ST7: variants seen among roughly 807,000 people sequenced by gnomAD.
ST7 encodes suppression of tumorigenicity 7, also known as suppressor of tumorigenicity 7 protein.
In ST7, 28 loss-of-function variants were observed where a neutral mutation model predicts 78.7. The ratio of observed to expected loss-of-function variants is 0.36; its 90% CI spans 0.26 to 0.49. The LOEUF is 0.49. ST7 is among the 20% of genes least tolerant of loss of function. The pLI is 0.99. For synonymous variants in ST7, 247 were observed against 249.6 expected, an observed-to-expected ratio of 0.99 and a Z score of 0.10; for missense variants, 418 against 696.0, an observed-to-expected ratio of 0.60 and a Z score of 4.49.
At chr7:117,122,012 T>G (rs1803416685) in intron 3 of ST7, among the ~76,000 whole-genome samples, 1 of 152,018 alleles carries the variant, frequency 6.6e-6, no homozygotes, top group Admixed American at 6.6e-5. Flanking sequence ...ATTTTGTAAG[T>G]GTTGCTAAAG....
chr7:117,062,387 T>C (rs1461279424), intron 1 of ST7, among the ~76,000 whole-genome samples: 1 of 152,220 alleles, frequency 6.6e-6, no homozygotes. Flanking sequence ...AGCAGGGAGC[T>C]CATTCTAATT....
At chr7:117,138,407 T>G in intron 8 of ST7, 28 bp from the exon 9 acceptor site, 1 of 1,457,348 alleles carries the variant, frequency 6.9e-7, no homozygotes, top group South Asian at 1.3e-5. Flanking sequence ...TTTTTTTAAA[T>G]GTTGGTGTTT....
intron 1 of ST7, among the ~76,000 whole-genome samples, chr7:117,026,667 G>T (rs1796196971): frequency 6.6e-6 from 1 of 152,200 alleles, no homozygotes. Flanking sequence ...GCTCTACCGT[G>T]TACTACCAGG....
intron 1 of ST7, among the ~76,000 whole-genome samples, chr7:117,082,702 C>T (rs1799875532): frequency 1.3e-5 from 2 of 152,200 alleles, no homozygotes; most frequent in South Asian, 4.1e-4. Flanking sequence ...CAGGGGTCAG[C>T]AAACCCTTTT....
chr7:117,066,898 T>C (rs1380472628), intron 1 of ST7, among the ~76,000 whole-genome samples: 1 of 152,128 alleles, frequency 6.6e-6, no homozygotes, highest in East Asian at 1.9e-4. Context: ...CATTAGCAGT[T>C]ACTTTCCACT....
intron 2 of ST7, among the ~76,000 whole-genome samples, chr7:117,118,881 T>C (rs377715332): frequency 1.3e-5 from 2 of 152,234 alleles, no homozygotes; most frequent in East Asian, 3.8e-4. Flanking sequence ...TTTTCCCTTT[T>C]GTAATTCACA....
intron 1 of ST7, among the ~76,000 whole-genome samples, chr7:117,097,711 A>G (rs1401922277): frequency 1.3e-5 from 2 of 150,480 alleles, no homozygotes; most frequent in Non-Finnish European, 3.0e-5. Context: ...CCTCTGAATC[A>G]TATTGGCAGT....
chr7:117,100,423 G>A (rs529778146), intron 2 of ST7, among the ~76,000 whole-genome samples: 1 of 152,236 alleles, frequency 6.6e-6, no homozygotes, highest in South Asian at 2.1e-4. Flanking sequence ...TGCAGTAGCC[G>A]AGATCGCGCC....
At chr7:117,195,087 AC>A (rs1389114860) in intron 12 of ST7, among the ~76,000 whole-genome samples, 1 of 152,234 alleles carries the variant, frequency 6.6e-6, no homozygotes, top group African/African-American at 2.4e-5. Flanking sequence ...ATTATAAAAA[AC>A]AATCTACTCA....
intron 2 of ST7, among the ~76,000 whole-genome samples, chr7:117,103,681 A>G (rs1191134718): frequency 6.6e-6 from 1 of 152,222 alleles, no homozygotes; most frequent in African/African-American, 2.4e-5. Context: ...CCAGAACATT[A>G]GTCTGGGTAA....
chr7:117,027,920 G>T (rs1454850792), intron 1 of ST7, among the ~76,000 whole-genome samples: 1 of 152,134 alleles, frequency 6.6e-6, no homozygotes, highest in Non-Finnish European at 1.5e-5. Context: ...ATCTGCTGTG[G>T]AGTAAGGTAA....
chr7:117,208,900 TGG>T (rs1469878687), intron 12 of ST7, among the ~76,000 whole-genome samples: 72 of 99,408 alleles, frequency 7.2e-4, no homozygotes, highest in African/African-American at 2.5e-3. Flanking sequence ...GGTGTATGTG[TGG>T]GTGTGTGTGT....
At position 117,035,560 on chromosome 7, in the gene ST7, T is replaced by G. The variant is rs973761476; in HGVS notation, c.152-64202T>G. 3.9e-5 allele frequency among the ~76,000 whole-genome samples: 6 copies of G among 152,336 alleles called. No individual in the cohort carries two copies. In the East Asian group the frequency reaches 7.7e-4, roughly 20 times the overall value. The stretch of plus-strand genomic sequence containing the variant: ...AGTAGAAATTTTAACTGAGTCAATT[T>G]CATAGCTGTCAGAACCTTTCTCATC... On this transcript the variant is annotated intron_variant, in intron 1 of 15. Coordinates refer to ENST00000323984, the MANE Select transcript of ST7 (RefSeq NM_001369598.1).
At chr7:117,210,032 A>AT (rs1259633599) in intron 13 of ST7, 95 bp downstream of exon 13, 2 of 1,399,964 alleles carry the variant, frequency 1.4e-6, no homozygotes, top group Non-Finnish European at 1.9e-6. Context: ...AGATTTACAT[A>AT]TGTACTGCTC....
intron 10 of ST7, among the ~76,000 whole-genome samples, chr7:117,173,989 T>C (rs552450716): frequency 6.6e-6 from 1 of 152,282 alleles, no homozygotes; most frequent in African/African-American, 2.4e-5. Flanking sequence ...CCTTGTCTCA[T>C]TGTTCTTCAC....
At chr7:117,168,662 C>G (rs572426083) in intron 9 of ST7, among the ~76,000 whole-genome samples, 4 of 152,150 alleles carry the variant, frequency 2.6e-5, no homozygotes, top group Admixed American at 6.5e-5. Context: ...TAGGGAAGTT[C>G]GGACCATCAG....
chr7:117,178,687 A>T (rs2117311181), intron 10 of ST7, among the ~76,000 whole-genome samples: 1 of 152,302 alleles, frequency 6.6e-6, no homozygotes, highest in East Asian at 1.9e-4. Context: ...CTACGTCTTG[A>T]TTGTTATTAC....
At chr7:116,997,130 C>T (rs958695884) in intron 1 of ST7, among the ~76,000 whole-genome samples, 6 of 152,238 alleles carry the variant, frequency 3.9e-5, no homozygotes, top group Admixed American at 6.5e-5. Context: ...TTCATGGTCT[C>T]GCTGGCTCAG....
chr7:117,016,598 C>G (rs1174384483), intron 1 of ST7, among the ~76,000 whole-genome samples: 1 of 152,110 alleles, frequency 6.6e-6, no homozygotes, highest in Admixed American at 6.5e-5. Context: ...AAACTAAGAA[C>G]TTTAGTGTGA....
Sources: allele counts gnomAD v4.1 joint callset (sites outside exome capture counted in the v4.1 genomes callset), GRCh38; gene constraint gnomAD v4.1.1; transcripts MANE v1.5; gene names NCBI Gene and HGNC (gene_info 2026-07-23, HGNC 2026-07-21).